Variants in SMARCA2 observed in about 807,000 individuals in gnomAD.
SMARCA2 encodes the protein SWI/SNF related BAF chromatin remodeling complex subunit ATPase 2.
In SMARCA2, 61 loss-of-function variants were observed where a neutral mutation model predicts 199.8. The observed-to-expected ratio is 0.31, with a 90% confidence interval of 0.25 to 0.38. SMARCA2 has a LOEUF of 0.38. SMARCA2 is among the 10% of genes least tolerant of loss of function. The pLI is 1.00. For missense variants in SMARCA2, 1,344 were observed against 2,012.2 expected, an observed-to-expected ratio of 0.67 and a Z score of 6.35; for synonymous variants, 935 against 732.0, an observed-to-expected ratio of 1.28 and a Z score of -4.48.
intron 1 of SMARCA2, among the ~76,000 whole-genome samples, chr9:2,024,617 A>G (rs745577615): frequency 5.9e-5 from 9 of 152,174 alleles, no homozygotes; most frequent in Non-Finnish European, 1.2e-4. Flanking sequence ...TAGTCCTTGC[A>G]AGATATCCCT....
At chr9:2,186,266 C>A (rs1356627962) in intron 32 of SMARCA2, 38 bp downstream of exon 32, 1 of 1,588,594 alleles carries the variant, frequency 6.3e-7, no homozygotes, top group East Asian at 2.3e-5. Flanking sequence ...ATCTTTGCCC[C>A]TCCTCACCTG....
At chr9:2,023,167 T>G (rs1176521627) in intron 1 of SMARCA2, among the ~76,000 whole-genome samples, 1 of 152,214 alleles carries the variant, frequency 6.6e-6, no homozygotes, top group African/African-American at 2.4e-5. Context: ...CAGGATCCTA[T>G]TAAGGCAGTG....
intron 27 of SMARCA2, chr9:2,160,799 C>T (rs1182371877): frequency 5.4e-6 from 2 of 370,962 alleles, no homozygotes; most frequent in Non-Finnish European, 9.6e-6. Flanking sequence ...TTTCTATGTT[C>T]AAATTTTATG....
In SMARCA2 at chr9:2,029,232, G is replaced by A. The variant is rs529054959; in HGVS notation, c.210G>A (p.Met70Ile). The change falls in exon 2 of 34, where the codon ATG (methionine) becomes ATA (isoleucine). Residue 70 changes from methionine (M) to isoleucine (I), a missense_variant. Physicochemically the swap from Met to Ile is conservative, Grantham distance 10. Coordinates refer to ENST00000349721, the MANE Select transcript of SMARCA2 (RefSeq NM_003070.5). ...CCACAGACTTCCCACAGGAAGGCATGCATCAAATGCATAAGGTAAGAGTTT... is the reference window on the plus strand; with the variant it reads ...CCACAGACTTCCCACAGGAAGGCATACATCAAATGCATAAGGTAAGAGTTT... Reference protein sequence around the residue: ...MGSTDFPQEGMHQMHKPIDGI... With the variant: ...MGSTDFPQEGIHQMHKPIDGI... 298 of 1,611,204 alleles carry A rather than the reference G, an allele frequency of 1.8e-4. 2 individuals are homozygous for A. In the South Asian group the frequency reaches 3.0e-3, roughly 16 times the overall value.
intron 9 of SMARCA2, among the ~76,000 whole-genome samples, chr9:2,062,248 C>T (rs1026225422): frequency 6.6e-6 from 1 of 152,154 alleles, no homozygotes; most frequent in Admixed American, 6.5e-5. Context: ...GAATTACTGA[C>T]ATATTGATAG....
At chr9:2,131,060 C>T (rs541203181) in intron 27 of SMARCA2, among the ~76,000 whole-genome samples, 1 of 152,244 alleles carries the variant, frequency 6.6e-6, no homozygotes, top group South Asian at 2.1e-4. Context: ...CTTCAGAATC[C>T]TTCCTTTCCT....
intron 24 of SMARCA2, among the ~76,000 whole-genome samples, chr9:2,112,756 A>G (rs535042573): frequency 2.6e-5 from 4 of 152,334 alleles, no homozygotes; most frequent in South Asian, 4.1e-4. Flanking sequence ...GAACAGGACC[A>G]TTAGTTTGGT....
chr9:2,059,572 A>G (rs10964582), intron 8 of SMARCA2, among the ~76,000 whole-genome samples: 5,915 of 152,304 alleles, frequency 0.039, 246 homozygotes, highest in African/African-American at 0.1. Flanking sequence ...GACACTAATG[A>G]TTAGGCATTT....
chr9:2,063,276 T>C (rs528576277), intron 9 of SMARCA2, among the ~76,000 whole-genome samples: 1 of 152,356 alleles, frequency 6.6e-6, no homozygotes. Context: ...TCAGAGCGAA[T>C]TATCCAGTTC....
At chr9:2,192,501 G>A in intron 33 of SMARCA2, 1 of 607,878 alleles carries the variant, frequency 1.6e-6, no homozygotes, top group Non-Finnish European at 2.9e-6. Context: ...GCTTTGCTTT[G>A]GGGTTTTTCA....
At chr9:2,138,543 A>G (rs1248866491) in intron 27 of SMARCA2, among the ~76,000 whole-genome samples, 3 of 152,176 alleles carry the variant, frequency 2.0e-5, no homozygotes, top group Non-Finnish European at 4.4e-5. Context: ...ATCATCCTCA[A>G]AAGTTGAGCT....
intron 5 of SMARCA2, 73 bp from the exon 6 acceptor site, chr9:2,054,524 G>A (rs1479556135): frequency 1.9e-6 from 3 of 1,550,512 alleles, no homozygotes; most frequent in Admixed American, 3.7e-5. Flanking sequence ...TAATGTCATT[G>A]TTTATCATTT....
intron 1 of SMARCA2, among the ~76,000 whole-genome samples, chr9:2,027,967 C>G (rs892751735): frequency 7.9e-5 from 12 of 152,238 alleles, no homozygotes; most frequent in African/African-American, 2.9e-4. Context: ...TTTGCTCATT[C>G]TGGCTCATAG....
intron 31 of SMARCA2, among the ~76,000 whole-genome samples, chr9:2,183,044 G>C (rs1827169481): frequency 6.6e-6 from 1 of 152,296 alleles, no homozygotes; most frequent in South Asian, 2.1e-4. Context: ...GCCCACCTCA[G>C]CCTCCCAAAG....
At position 2,070,402 on chromosome 9, in the gene SMARCA2, C is replaced by G; in HGVS notation, c.1693-16C>G. 1 of 1,612,184 alleles carries G rather than the reference C, an allele frequency of 6.2e-7. No homozygotes were observed. Among genetic ancestry groups the G allele is most frequent in the Non-Finnish European group, 8.5e-7 (1 of 1,178,398 alleles). ...CATCTTGGTTACTTATAACATTCGACATTGTTGTTTTGCAGAAGGCTGAGG... is the reference window on the plus strand; with the variant it reads ...CATCTTGGTTACTTATAACATTCGAGATTGTTGTTTTGCAGAAGGCTGAGG... On this transcript the variant is annotated splice_polypyrimidine_tract_variant and intron_variant, in intron 9 of 33. Coordinates refer to ENST00000349721, the MANE Select transcript of SMARCA2 (RefSeq NM_003070.5).
At chr9:2,027,038 G>C (rs1175032864) in intron 1 of SMARCA2, among the ~76,000 whole-genome samples, 2 of 152,108 alleles carry the variant, frequency 1.3e-5, no homozygotes, top group Non-Finnish European at 2.9e-5. Context: ...ACTGCTTCCT[G>C]TTTCAGCTCT....
At chr9:2,045,823 A>G (rs1819814057) in intron 4 of SMARCA2, 1 of 114,764 alleles carries the variant, frequency 8.7e-6, no homozygotes, top group African/African-American at 4.1e-5. Flanking sequence ...CGATAACATC[A>G]CAGACACACA....
intron 27 of SMARCA2, chr9:2,159,932 G>A (rs528074916): frequency 1.1e-5 from 17 of 1,598,128 alleles, no homozygotes; most frequent in East Asian, 6.7e-5. Context: ...TTTCGTTGCC[G>A]TCTTGAAGAT....
chr9:2,033,108 T>C, intron 3 of SMARCA2, 27 bp downstream of exon 3: 2 of 1,609,778 alleles, frequency 1.2e-6, no homozygotes, highest in South Asian at 2.2e-5. Context: ...CACCTGATAC[T>C]GGTTCCCCAG....
Sources: allele counts gnomAD v4.1 joint callset (sites outside exome capture counted in the v4.1 genomes callset), GRCh38; gene constraint gnomAD v4.1.1; transcripts MANE v1.5; gene names NCBI Gene and HGNC (gene_info 2026-07-23, HGNC 2026-07-21).